Variants in LRRK1 observed in about 807,000 individuals in gnomAD.
LRRK1 encodes the protein leucine-rich repeat serine/threonine-protein kinase 1.
LRRK1 carries 113 observed loss-of-function variants against 209.1 expected under a neutral mutation model. That is an observed-to-expected ratio of 0.54 (90% confidence interval 0.46 to 0.63). The LOEUF is 0.63. LRRK1 is among the 30% of genes least tolerant of loss of function. The pLI, the probability that LRRK1 is intolerant of heterozygous loss-of-function variation, is 0.00. For synonymous variants in LRRK1, 1,144 were observed against 1,099.7 expected, an observed-to-expected ratio of 1.04 and a Z score of -0.80; for missense variants, 2,284 against 2,632.2, an observed-to-expected ratio of 0.87 and a Z score of 2.89.
intron 2 of LRRK1, among the ~76,000 whole-genome samples, chr15:100,959,136 A>C (rs1419821410): frequency 1.3e-5 from 2 of 152,238 alleles, no homozygotes; most frequent in African/African-American, 4.8e-5. Context: ...GCCTGAAGGC[A>C]TCATTCTCCT....
At chr15:101,061,425 C>T (rs905118384) in intron 30 of LRRK1, 137 bp downstream of exon 30, 2 of 630,342 alleles carry the variant, frequency 3.2e-6, no homozygotes, top group Admixed American at 2.6e-5. Flanking sequence ...CATCCCCGTG[C>T]AGTCCCCAAG....
intron 29 of LRRK1, 144 bp downstream of exon 29, chr15:101,058,285 A>G (rs967291501): frequency 1.9e-5 from 15 of 774,834 alleles, no homozygotes; most frequent in Non-Finnish European, 2.9e-5. Context: ...GCACTCAAGA[A>G]AGAGCAGGGA....
At chr15:101,049,413 C>T (rs1236396917) in intron 22 of LRRK1, 26 of 464,018 alleles carry the variant, frequency 5.6e-5, no homozygotes, top group Admixed American at 1.6e-4. Flanking sequence ...CCAGGCTGAG[C>T]GTCCCTGACT....
At chr15:101,028,002 G>A (rs375509126) in intron 19 of LRRK1, among the ~76,000 whole-genome samples, 1 of 152,130 alleles carries the variant, frequency 6.6e-6, no homozygotes, top group Admixed American at 6.5e-5. Flanking sequence ...CACCAGCATT[G>A]TGTTTGCCAC....
intron 2 of LRRK1, among the ~76,000 whole-genome samples, chr15:100,955,064 G>A (rs1367470336): frequency 6.6e-6 from 1 of 152,098 alleles, no homozygotes; most frequent in Non-Finnish European, 1.5e-5. Flanking sequence ...ATTTTGACAG[G>A]AATTGCATTG....
chr15:100,935,290 G>A (rs1045486855), intron 2 of LRRK1, among the ~76,000 whole-genome samples: 1 of 152,188 alleles, frequency 6.6e-6, no homozygotes, highest in Non-Finnish European at 1.5e-5. Flanking sequence ...AAGGTGTCTG[G>A]GGGGAGGTGG....
chr15:100,999,914 T>C (rs1490377616), intron 6 of LRRK1, among the ~76,000 whole-genome samples: 1 of 152,256 alleles, frequency 6.6e-6, no homozygotes, highest in Non-Finnish European at 1.5e-5. Context: ...GAAGTGTATC[T>C]TGTAAGTTAT....
At chr15:101,052,855 G>T in intron 24 of LRRK1, 67 bp from the exon 25 acceptor site, 1 of 1,533,458 alleles carries the variant, frequency 6.5e-7, no homozygotes. Context: ...TGGGGCAAAT[G>T]ACCCAGCCCA....
chr15:100,968,080 AT>A (rs1293157415), intron 2 of LRRK1, among the ~76,000 whole-genome samples: 2 of 151,934 alleles, frequency 1.3e-5, no homozygotes, highest in Admixed American at 1.3e-4. Context: ...CACCCTTCTG[AT>A]TTTTTTTCAC....
intron 16 of LRRK1, among the ~76,000 whole-genome samples, 158 bp downstream of exon 16, chr15:101,025,125 C>A: frequency 6.6e-6 from 1 of 152,236 alleles, no homozygotes; most frequent in Non-Finnish European, 1.5e-5. Context: ...CAGTGAGGCA[C>A]TTGAAACCTT....
chr15:100,973,973 G>C lies in LRRK1; in HGVS notation c.261+6G>C. Reference sequence around the variant, plus strand: ...GCGCGTCCCAGCTGGAAAAGGTAGGGGAGCGCCTGCCCCTGCGGCCACCCA... The same window carrying C: ...GCGCGTCCCAGCTGGAAAAGGTAGGCGAGCGCCTGCCCCTGCGGCCACCCA... On this transcript the variant is annotated splice_donor_region_variant and intron_variant, in intron 3 of 33. Coordinates refer to ENST00000388948, the MANE Select transcript of LRRK1 (RefSeq NM_024652.6). The C allele has an allele frequency of 1.7e-5, 21 of 1,247,410 alleles. No homozygotes were observed. The highest frequency in any genetic ancestry group is 3.7e-5 in the South Asian group (1 of 26,894). 77.3% of individuals were successfully genotyped at this position (1,247,410 alleles called of 1,614,324 possible). A position where few individuals can be genotyped will look rare whatever the true frequency, so the allele number is the denominator to read the frequency against.
intron 2 of LRRK1, among the ~76,000 whole-genome samples, chr15:100,940,955 A>T (rs1390582397): frequency 6.6e-6 from 1 of 152,222 alleles, no homozygotes; most frequent in Non-Finnish European, 1.5e-5. Flanking sequence ...CCTTGCAGAG[A>T]CATTGTCACT....
intron 2 of LRRK1, among the ~76,000 whole-genome samples, chr15:100,966,525 A>C (rs2030472205): frequency 6.6e-6 from 1 of 152,230 alleles, no homozygotes; most frequent in South Asian, 2.1e-4. Context: ...ACTATGGTCA[A>C]AGCATTTGGG....
chr15:101,005,218 A>G (rs1030739923), intron 6 of LRRK1, among the ~76,000 whole-genome samples: 2 of 152,178 alleles, frequency 1.3e-5, no homozygotes, highest in African/African-American at 2.4e-5. Flanking sequence ...TTGACTTGGC[A>G]TTGCAAAGTC....
At position 101,012,523 on chromosome 15, in the gene LRRK1, G is replaced by A. The variant is rs759568070; in HGVS notation, c.1419+378G>A. ...TTTAGGTTGTTTTAGGTGGTTGGCG[G>A]GTCCTTAGGCAGACAGGCCGTGGAT... On this transcript the variant is annotated intron_variant, in intron 10 of 33. Transcript: ENST00000388948. Among the ~76,000 whole-genome samples the A allele has an allele frequency of 7.2e-5, 11 of 152,314 alleles. No individual in the cohort carries two copies. In the South Asian group the frequency reaches 1.9e-3, roughly 26 times the overall value.
At chr15:101,030,500 G>A (rs1325274010) in intron 20 of LRRK1, among the ~76,000 whole-genome samples, 1 of 152,174 alleles carries the variant, frequency 6.6e-6, no homozygotes, top group Admixed American at 6.5e-5. Context: ...GTCTGGCACG[G>A]TGACTGACAC....
chr15:101,049,076 A>C (rs1395459271), intron 22 of LRRK1, among the ~76,000 whole-genome samples: 1 of 152,208 alleles, frequency 6.6e-6, no homozygotes, highest in Non-Finnish European at 1.5e-5. Flanking sequence ...TCCACTGCCC[A>C]TAACCAGACA....
At chr15:100,927,591 A>T (rs2042137957) in intron 2 of LRRK1, among the ~76,000 whole-genome samples, 1 of 152,218 alleles carries the variant, frequency 6.6e-6, no homozygotes, top group African/African-American at 2.4e-5. Context: ...CCTGAGAATG[A>T]GGGAGGTGTT....
chr15:101,014,120 C>G (rs564408662), intron 10 of LRRK1, among the ~76,000 whole-genome samples, 196 bp from the exon 11 acceptor site: 10 of 152,200 alleles, frequency 6.6e-5, no homozygotes, highest in Admixed American at 6.5e-4. Flanking sequence ...AGATAGATGG[C>G]CCCGTCGCAC....
Sources: allele counts gnomAD v4.1 joint callset (sites outside exome capture counted in the v4.1 genomes callset), GRCh38; gene constraint gnomAD v4.1.1; transcripts MANE v1.5; gene names NCBI Gene and HGNC (gene_info 2026-07-23, HGNC 2026-07-21).